Variants in LAMA3 observed in about 807,000 individuals in gnomAD.
LAMA3 encodes the protein laminin subunit alpha-3.
Under a neutral mutation model 402.0 loss-of-function variants are expected in LAMA3, and 281 were observed. That is an observed-to-expected ratio of 0.70 (90% CI 0.63 to 0.77). The LOEUF (loss-of-function observed/expected upper bound fraction) is 0.77. Ranked by LOEUF, LAMA3 falls within the 30% of genes least tolerant of loss-of-function variation. The probability of loss-of-function intolerance (pLI) is 0.00; values close to 1 mark genes in which losing one functional copy is unlikely to be tolerated. For synonymous variants in LAMA3, 1,431 were observed against 1,558.4 expected (o/e 0.92, Z 1.93); for missense variants, 3,840 against 4,215.5 (o/e 0.91, Z 2.47).
At chr18:23,914,932 C>T (rs1396709050) in intron 58 of LAMA3, 72 bp downstream of exon 58, 2 of 1,217,386 alleles carry the variant, frequency 1.6e-6, no homozygotes, top group African/African-American at 3.0e-5. Flanking sequence ...CCTCATGTCT[C>T]TAATTGTTAA....
chr18:23,842,581 T>C, intron 28 of LAMA3, 30 bp from the exon 29 acceptor site: 1 of 1,614,216 alleles, frequency 6.2e-7, no homozygotes, highest in Non-Finnish European at 8.5e-7. Flanking sequence ...GTCCGGTGCA[T>C]GACAGAAAGT....
intron 54 of LAMA3, among the ~76,000 whole-genome samples, chr18:23,908,533 CA>C (rs111961159): frequency 9.8e-3 from 557 of 57,032 alleles, no homozygotes; most frequent in African/African-American, 0.021. Flanking sequence ...CCATCTCAAA[CA>C]AAAAAAAAAA....
chr18:23,748,471 G>A (rs2061691212), intron 3 of LAMA3, among the ~76,000 whole-genome samples: 1 of 150,964 alleles, frequency 6.6e-6, no homozygotes, highest in African/African-American at 2.4e-5. Context: ...TGACTAGTTA[G>A]GGACTGGTCA....
intron 68 of LAMA3, among the ~76,000 whole-genome samples, chr18:23,940,229 G>A (rs553399850): frequency 7.2e-5 from 11 of 152,312 alleles, no homozygotes; most frequent in South Asian, 2.1e-4. Context: ...AGGGGAGGGC[G>A]CAGGGAGGAC....
At chr18:23,798,250 G>A (rs936432014) in intron 12 of LAMA3, among the ~76,000 whole-genome samples, 4 of 152,148 alleles carry the variant, frequency 2.6e-5, no homozygotes, top group African/African-American at 9.7e-5. Flanking sequence ...GCGGAAACGG[G>A]TGGTCCTTTC....
At chr18:23,890,349 C>CT (rs948354456) in intron 42 of LAMA3, among the ~76,000 whole-genome samples, 22 of 150,238 alleles carry the variant, frequency 1.5e-4, no homozygotes, top group East Asian at 9.8e-4. Context: ...TTTCAATGCA[C>CT]TTTTTTTTTT....
At chr18:23,826,851 G>A (rs1156382517) in intron 22 of LAMA3, 52 bp downstream of exon 22, 5 of 1,108,408 alleles carry the variant, frequency 4.5e-6, no homozygotes, top group Non-Finnish European at 5.4e-6. Flanking sequence ...TCTAAATTAG[G>A]AGCCTTTAAT....
intron 41 of LAMA3, among the ~76,000 whole-genome samples, chr18:23,887,505 T>G (rs1308741006): frequency 6.6e-6 from 1 of 152,262 alleles, no homozygotes; most frequent in Non-Finnish European, 1.5e-5. Context: ...ATGTTTGTTA[T>G]ATCTGATGTC....
At chr18:23,938,770 A>G (rs916707290) in intron 67 of LAMA3, among the ~76,000 whole-genome samples, 5 of 151,804 alleles carry the variant, frequency 3.3e-5, no homozygotes, top group African/African-American at 1.2e-4. Flanking sequence ...GGCAGCTTTC[A>G]GAGAAGAACC....
chr18:23,794,985 C>T (rs867736062), intron 12 of LAMA3, among the ~76,000 whole-genome samples: 59 of 152,240 alleles, frequency 3.9e-4, no homozygotes, highest in Middle Eastern at 6.8e-3. Context: ...ATTATTCCAT[C>T]CAGTTAGAAT....
At chr18:23,811,648 G>C (rs1419422947) in intron 13 of LAMA3, among the ~76,000 whole-genome samples, 2 of 152,136 alleles carry the variant, frequency 1.3e-5, no homozygotes, top group Non-Finnish European at 2.9e-5. Flanking sequence ...AGAGGAACCC[G>C]AGGTTGGGCA....
At chr18:23,848,220 G>T (rs2063865032) in intron 32 of LAMA3, among the ~76,000 whole-genome samples, 1 of 152,212 alleles carries the variant, frequency 6.6e-6, no homozygotes, top group Non-Finnish European at 1.5e-5. Flanking sequence ...GTGAACAGGA[G>T]ACAGGCTGGA....
At chr18:23,850,736 C>T (rs2063924995) in intron 32 of LAMA3, among the ~76,000 whole-genome samples, 1 of 152,216 alleles carries the variant, frequency 6.6e-6, no homozygotes, top group Non-Finnish European at 1.5e-5. Flanking sequence ...TTTGCATCTG[C>T]TCCTAGTAAT....
intron 1 of LAMA3, among the ~76,000 whole-genome samples, chr18:23,709,667 T>TGGAC (rs1377707822): frequency 6.6e-6 from 1 of 152,142 alleles, no homozygotes; most frequent in Non-Finnish European, 1.5e-5. Flanking sequence ...TAAAGTGGCC[T>TGGAC]GTCCCAGTGA....
At chr18:23,784,310 C>G (rs538284085) in intron 12 of LAMA3, among the ~76,000 whole-genome samples, 153 bp downstream of exon 12, 1 of 152,192 alleles carries the variant, frequency 6.6e-6, no homozygotes, top group African/African-American at 2.4e-5. Context: ...ATGGTCCTAC[C>G]TGGACCTTGT....
chr18:23,746,987 TC>T (rs1214412055), intron 2 of LAMA3, among the ~76,000 whole-genome samples: 1 of 151,858 alleles, frequency 6.6e-6, no homozygotes, highest in Non-Finnish European at 1.5e-5. Flanking sequence ...GTCTGAGCAC[TC>T]CCTACTCCCC....
intron 1 of LAMA3, among the ~76,000 whole-genome samples, chr18:23,699,811 G>C (rs2060758866): frequency 6.6e-6 from 1 of 152,190 alleles, no homozygotes; most frequent in East Asian, 1.9e-4. Context: ...GCTGGGACGT[G>C]CTGGGCTGCA....
intron 21 of LAMA3, among the ~76,000 whole-genome samples, 178 bp downstream of exon 21, chr18:23,824,743 A>G (rs1405915506): frequency 1.3e-5 from 2 of 152,220 alleles, no homozygotes; most frequent in Admixed American, 1.3e-4. Context: ...CTCAAATGAC[A>G]TAGGAATCAA....
At chr18:23,723,957 G>A (rs1256177866) in intron 2 of LAMA3, among the ~76,000 whole-genome samples, 1 of 152,050 alleles carries the variant, frequency 6.6e-6, no homozygotes, top group Admixed American at 6.6e-5. Flanking sequence ...GGGGTGATCT[G>A]TCAGATTTTG....
Sources: allele counts gnomAD v4.1 joint callset (sites outside exome capture counted in the v4.1 genomes callset), GRCh38; gene constraint gnomAD v4.1.1; transcripts MANE v1.5; gene names NCBI Gene and HGNC (gene_info 2026-07-23, HGNC 2026-07-21).